Variants in RALGPS1 observed in about 807,000 individuals in gnomAD.
RALGPS1 encodes the protein Ral GEF with PH domain and SH3 binding motif 1.
A neutral mutation model predicts 78.8 loss-of-function variants in RALGPS1; 19 were observed. That is an observed-to-expected ratio of 0.24 (90% CI 0.17 to 0.35). The LOEUF (loss-of-function observed/expected upper bound fraction) is 0.35. Among genes scored for constraint, RALGPS1 ranks in the 10% least tolerant of loss-of-function variants. RALGPS1 has a pLI of 1.00. For missense variants in RALGPS1, 454 were observed against 688.3 expected, an observed-to-expected ratio of 0.66 and a Z score of 3.81; for synonymous variants, 228 against 256.3, an observed-to-expected ratio of 0.89 and a Z score of 1.06.
chr9:127,201,725 CT>C lies in RALGPS1; in HGVS notation c.1247+2660del, dbSNP rs2061642125. Among the ~76,000 whole-genome samples, 3 of 152,184 alleles carry C rather than the reference CT, an allele frequency of 2.0e-5. No homozygotes were observed. In the South Asian group the frequency reaches 6.2e-4, roughly 31 times the overall value. The stretch of plus-strand genomic sequence containing the variant: ...CTCCAGGTCCTCCCTCCACTCCCAG[CT>C]CTCACCCAGGCCAAATCCTCCTACT... On this transcript the variant is annotated intron_variant, in intron 14 of 18. Transcript: ENST00000259351.
intron 8 of RALGPS1, among the ~76,000 whole-genome samples, chr9:127,132,870 C>T (rs2057102580): frequency 6.6e-6 from 1 of 152,208 alleles, no homozygotes; most frequent in Non-Finnish European, 1.5e-5. Flanking sequence ...ACATCTTCAT[C>T]CTCATCCTCA....
At chr9:126,943,429 C>G (rs1288321212) in intron 1 of RALGPS1, among the ~76,000 whole-genome samples, 3 of 152,210 alleles carry the variant, frequency 2.0e-5, no homozygotes, top group Non-Finnish European at 4.4e-5. Context: ...AGGCGTGAAC[C>G]ACCGTGCCTG....
rs1464173051 is a variant in RALGPS1 at position 127,108,507 on chromosome 9, C to G, written c.610+39151C>G. On this transcript the variant is annotated intron_variant, in intron 8 of 18. Transcript: ENST00000259351. Reference sequence around the variant, plus strand: ...CTCGGTTCTCCAGAAGCACCTCAGGCTCCTTGGAGTTGACGCAGATGGCAC... The same window carrying G: ...CTCGGTTCTCCAGAAGCACCTCAGGGTCCTTGGAGTTGACGCAGATGGCAC... The G allele has an allele frequency of 1.9e-6, 3 of 1,612,920 alleles. No homozygotes were observed. The highest frequency in any genetic ancestry group is 1.3e-5 in the African/African-American group (1 of 74,494).
chr9:127,134,912 C>G (rs575987939), intron 8 of RALGPS1, among the ~76,000 whole-genome samples: 33 of 152,302 alleles, frequency 2.2e-4, no homozygotes, highest in Admixed American at 1.6e-3. Flanking sequence ...TTCTCCACCC[C>G]CTCTCCGGCC....
Position 127,212,336 on chromosome 9 carries a change from G to A in RALGPS1, c.1353+100G>A. 1.1e-6 allele frequency: 1 copy of A among 898,832 alleles called. No individual in the cohort carries two copies. The highest frequency in any genetic ancestry group is 1.7e-6 in the Non-Finnish European group (1 of 594,998). 55.7% of individuals were successfully genotyped at this position (898,832 alleles called of 1,614,324 possible). On this transcript the variant is annotated intron_variant, in intron 15 of 18. Transcript: ENST00000259351. This position sits in a 1 kb window ranked among gnomAD's most constrained non-coding sequence, Gnocchi z 6.0. Reference sequence around the variant, plus strand: ...CAGCAAAAGTCACATGCATGGCAGAGGCTCTGCTTGCAGTGGGCATGCAGC... The same window carrying A: ...CAGCAAAAGTCACATGCATGGCAGAAGCTCTGCTTGCAGTGGGCATGCAGC...
At chr9:127,093,562 T>C (rs886519972) in intron 8 of RALGPS1, among the ~76,000 whole-genome samples, 1 of 152,144 alleles carries the variant, frequency 6.6e-6, no homozygotes. Flanking sequence ...GTTTGCAAAA[T>C]GGCCCTGTCT....
intron 8 of RALGPS1, among the ~76,000 whole-genome samples, chr9:127,072,934 C>G (rs1362582165): frequency 6.6e-6 from 1 of 151,874 alleles, no homozygotes; most frequent in East Asian, 1.9e-4. Flanking sequence ...GATTTTTTTG[C>G]CAAGTGAAGA....
At chr9:127,145,439 A>G (rs1487501756) in intron 8 of RALGPS1, among the ~76,000 whole-genome samples, 2 of 152,170 alleles carry the variant, frequency 1.3e-5, no homozygotes, top group African/African-American at 2.4e-5. Context: ...GCTGTCACCT[A>G]CTGGTGATAT....
chr9:126,971,340 C>T (rs1212602688), intron 3 of RALGPS1, among the ~76,000 whole-genome samples: 1 of 149,276 alleles, frequency 6.7e-6, no homozygotes, highest in East Asian at 2.0e-4. Flanking sequence ...AGAATGTCAA[C>T]CCTAAATGGT....
intron 11 of RALGPS1, among the ~76,000 whole-genome samples, chr9:127,181,278 T>G (rs2060201911): frequency 6.6e-6 from 1 of 152,240 alleles, no homozygotes; most frequent in Admixed American, 6.5e-5. Context: ...GCAGCTAAGC[T>G]GCTTTGAGCC....
chr9:126,920,281 C>T lies in RALGPS1; in HGVS notation c.-66+5306C>T, dbSNP rs117953273. Among the ~76,000 whole-genome samples, 206 of 152,276 alleles carry T rather than the reference C, an allele frequency of 1.4e-3. 3 individuals carry two copies. In the East Asian group the frequency reaches 0.034, roughly 25 times the overall value. ...CCATTCTCTGGACTCTACTTCTTCA[C>T]TCCCCAAATATTTGAGTGCTGACTC... On this transcript the variant is annotated intron_variant, in intron 1 of 18. Coordinates refer to ENST00000259351, the MANE Select transcript of RALGPS1 (RefSeq NM_014636.3).
At chr9:127,001,328 CT>C (rs2043291531) in intron 4 of RALGPS1, among the ~76,000 whole-genome samples, 1 of 149,586 alleles carries the variant, frequency 6.7e-6, no homozygotes, top group Non-Finnish European at 1.5e-5. Context: ...TTTTTGTTCT[CT>C]TTTCCTTCTT....
At chr9:127,083,266 GC>G (rs759614598) in intron 8 of RALGPS1, among the ~76,000 whole-genome samples, 32 of 152,238 alleles carry the variant, frequency 2.1e-4, no homozygotes, top group Non-Finnish European at 3.7e-4. Context: ...CACGGGCAGA[GC>G]CCATAGAGTT....
At chr9:127,057,677 G>C (rs1459619996) in intron 7 of RALGPS1, among the ~76,000 whole-genome samples, 2 of 152,234 alleles carry the variant, frequency 1.3e-5, no homozygotes, top group Non-Finnish European at 2.9e-5. Flanking sequence ...ACCTAAGCAA[G>C]AAGTTGTAGC....
rs537411368 is a variant in RALGPS1 at position 126,965,594 on chromosome 9, T to A, written c.58-250T>A. On this transcript the variant is annotated intron_variant, in intron 2 of 18. Coordinates refer to ENST00000259351, the MANE Select transcript of RALGPS1 (RefSeq NM_014636.3). ...GATACCTTGGAGAAGTAACATTGCC[T>A]CTACTTCCTTCTCTATAAAATGGGA... Among the ~76,000 whole-genome samples, 21 of 152,346 alleles carry A rather than the reference T, an allele frequency of 1.4e-4. No individual in the cohort carries two copies. The South Asian group carries it at 4.3e-3, about 32-fold the overall frequency.
intron 8 of RALGPS1, chr9:127,106,930 G>A (rs974784220): frequency 2.0e-5 from 3 of 152,252 alleles, no homozygotes; most frequent in African/African-American, 7.2e-5. Flanking sequence ...CTGACTTGGA[G>A]TAGATACATG....
intron 10 of RALGPS1, among the ~76,000 whole-genome samples, chr9:127,170,299 G>A (rs1237457360): frequency 6.6e-6 from 1 of 152,198 alleles, no homozygotes; most frequent in Non-Finnish European, 1.5e-5. Context: ...AGTCACCTGG[G>A]AAACTCTAAC....
chr9:127,177,929 A>C (rs747196734), intron 11 of RALGPS1: 2 of 1,548,646 alleles, frequency 1.3e-6, no homozygotes, highest in South Asian at 1.2e-5. Context: ...AAGCCAGCCA[A>C]CCTCCAGCAT....
At chr9:126,952,656 A>AGTGTGTGTGTGT (rs1281535322) in intron 1 of RALGPS1, among the ~76,000 whole-genome samples, 27 of 138,904 alleles carry the variant, frequency 1.9e-4, no homozygotes, top group East Asian at 1.7e-3. Flanking sequence ...AGAGAGAGAG[A>AGTGTGTGTGTGT]GTGTGTGTGT....
Sources: gnomAD v4.1 joint callset for allele counts (sites outside exome capture counted in the v4.1 genomes callset) on GRCh38, gnomAD v4.1.1 for gene constraint, Gnocchi (gnomAD v3.1) non-coding constraint, MANE v1.5 for transcripts, NCBI Gene and HGNC (gene_info 2026-07-23, HGNC 2026-07-21) for gene names.